The following LSAMP variants were observed in gnomAD, a reference collection of about 807,000 sequenced individuals.
LSAMP encodes the protein limbic system associated membrane protein.
In LSAMP, 7 loss-of-function variants were observed where a neutral mutation model predicts 38.6. That is an observed-to-expected ratio of 0.18 (90% CI 0.10 to 0.34). The LOEUF (loss-of-function observed/expected upper bound fraction) is 0.34. LSAMP is among the 10% of genes least tolerant of loss of function. The pLI, the probability that LSAMP is intolerant of heterozygous loss-of-function variation, is 1.00. For synonymous variants in LSAMP, 154 were observed against 166.8 expected (o/e 0.92, Z 0.59); for missense variants, 313 against 420.0 (o/e 0.75, Z 2.23).
At chr3:116,103,110 A>G (rs1708384524) in intron 1 of LSAMP, among the ~76,000 whole-genome samples, 1 of 152,160 alleles carries the variant, frequency 6.6e-6, no homozygotes, top group Non-Finnish European at 1.5e-5. Flanking sequence ...GAGGTGGATT[A>G]TCTAGTTTCT....
intron 1 of LSAMP, among the ~76,000 whole-genome samples, chr3:116,222,873 C>T (rs1454345056): frequency 2.0e-5 from 3 of 151,072 alleles, no homozygotes; most frequent in Non-Finnish European, 4.4e-5. Context: ...GTAGCTGGGA[C>T]TACAGGCGCC....
intron 1 of LSAMP, among the ~76,000 whole-genome samples, chr3:116,173,466 G>A (rs879635614): frequency 6.6e-6 from 1 of 151,828 alleles, no homozygotes; most frequent in Non-Finnish European, 1.5e-5. Flanking sequence ...TAATCCAGTG[G>A]CAAATGCCCA....
chr3:116,188,311 G>C (rs977316598), intron 1 of LSAMP, among the ~76,000 whole-genome samples: 2 of 152,154 alleles, frequency 1.3e-5, no homozygotes, highest in Non-Finnish European at 2.9e-5. Context: ...CCCAGGAACA[G>C]TTAACTTTGA....
chr3:116,069,215 C>G (rs969840886), intron 2 of LSAMP, among the ~76,000 whole-genome samples: 16 of 152,300 alleles, frequency 1.1e-4, no homozygotes, highest in African/African-American at 3.8e-4. Context: ...CCCTTCTTAG[C>G]ACGTTTCAGC....
At chr3:116,267,998 C>A (rs2046914659) in intron 1 of LSAMP, among the ~76,000 whole-genome samples, 1 of 152,098 alleles carries the variant, frequency 6.6e-6, no homozygotes. Flanking sequence ...TTCAAGATGG[C>A]AAAGTTAAAT....
chr3:116,012,765 T>A (rs1489063444), intron 3 of LSAMP, among the ~76,000 whole-genome samples: 1 of 152,190 alleles, frequency 6.6e-6, no homozygotes, highest in Non-Finnish European at 1.5e-5. Flanking sequence ...CCCAAAATGA[T>A]CACTATGCAG....
chr3:116,436,447 C>T lies in LSAMP; in HGVS notation c.155+8430G>A, dbSNP rs139166442. ...TGGGAGAAAATCTTCACAATCTATA[C>T]ATCTGACAAAGGACTGATATCTAGA... On this transcript the variant is annotated intron_variant, in intron 1 of 6. Transcript: ENST00000490035. Among the ~76,000 whole-genome samples the T allele has an allele frequency of 3.8e-3, 581 of 152,254 alleles. 7 individuals carry two copies. Among genetic ancestry groups the T allele is most frequent in the Non-Finnish European group, 5.3e-3 (363 of 68,018 alleles).
chr3:116,395,681 T>A (rs149953361), intron 1 of LSAMP, among the ~76,000 whole-genome samples: 3 of 152,176 alleles, frequency 2.0e-5, no homozygotes, highest in African/African-American at 7.2e-5. Flanking sequence ...AAAACTAAGG[T>A]GTGACTAGAA....
chr3:116,203,365 G>A (rs570000568), intron 1 of LSAMP, among the ~76,000 whole-genome samples: 4 of 147,972 alleles, frequency 2.7e-5, no homozygotes, highest in East Asian at 4.0e-4. Flanking sequence ...TTTTTTATAC[G>A]TACATTTTCT....
chr3:116,200,437 G>A (rs1576427614), intron 1 of LSAMP, among the ~76,000 whole-genome samples: 1 of 152,140 alleles, frequency 6.6e-6, no homozygotes, highest in East Asian at 1.9e-4. Flanking sequence ...TAATAACAGT[G>A]GATTTTTCAG....
intron 1 of LSAMP, among the ~76,000 whole-genome samples, chr3:116,269,776 T>C (rs1274752831): frequency 8.5e-5 from 13 of 152,160 alleles, no homozygotes; most frequent in Admixed American, 7.9e-4. Flanking sequence ...TGGTTCTTTG[T>C]TTGATCAATT....
chr3:116,366,013 TAAAAA>T (rs67452614), intron 1 of LSAMP, among the ~76,000 whole-genome samples: 7 of 28,684 alleles, frequency 2.4e-4, no homozygotes, highest in African/African-American at 7.7e-4. Flanking sequence ...TAGAGTATAA[TAAAAA>T]AAAAAAAAAA....
chr3:116,227,282 T>C (rs1311831487), intron 1 of LSAMP, among the ~76,000 whole-genome samples: 1 of 152,210 alleles, frequency 6.6e-6, no homozygotes, highest in Non-Finnish European at 1.5e-5. Context: ...TCTTTCAAAT[T>C]GTCTTATCTG....
chr3:115,861,135 TTCCTTCCTTCCTTCCTTCCTTCC>T (rs1559855415), intron 3 of LSAMP, among the ~76,000 whole-genome samples: 185 of 5,448 alleles, frequency 0.034, 2 homozygotes, highest in Admixed American at 0.11. Flanking sequence ...CTTTCTTTCC[TTCCTTCCTTCCTTCCTTCCTTCC>T]TTCCTTCCTT....
chr3:116,279,224 T>A (rs547240312), intron 1 of LSAMP, among the ~76,000 whole-genome samples: 7 of 152,268 alleles, frequency 4.6e-5, no homozygotes, highest in African/African-American at 1.7e-4. Flanking sequence ...CCTCAAACAA[T>A]ACATATCACT....
chr3:116,005,923 C>T (rs893449943), intron 3 of LSAMP, among the ~76,000 whole-genome samples: 7 of 152,014 alleles, frequency 4.6e-5, no homozygotes, highest in African/African-American at 1.7e-4. Context: ...TTGGTTATGG[C>T]TGCATATTCA....
chr3:115,921,031 A>G (rs1432254987), intron 3 of LSAMP, among the ~76,000 whole-genome samples: 1 of 151,948 alleles, frequency 6.6e-6, no homozygotes, highest in Admixed American at 6.6e-5. Context: ...GCTCTCTTTC[A>G]GTTACTATTT....
intron 1 of LSAMP, among the ~76,000 whole-genome samples, chr3:116,221,109 C>CCACTGCA (rs1362531942): frequency 1.5e-5 from 2 of 132,884 alleles, no homozygotes; most frequent in African/African-American, 5.6e-5. Context: ...GCCAAGTGTG[C>CCACTGCA]CACTGCACTC....
intron 3 of LSAMP, among the ~76,000 whole-genome samples, chr3:115,975,208 C>T (rs1334225732): frequency 1.3e-5 from 2 of 151,858 alleles, no homozygotes. Context: ...TGGCTTGAAC[C>T]CAGGATTTTG....
Sources: allele counts gnomAD v4.1 joint callset (sites outside exome capture counted in the v4.1 genomes callset), GRCh38; gene constraint gnomAD v4.1.1; transcripts MANE v1.5; gene names NCBI Gene and HGNC (gene_info 2026-07-23, HGNC 2026-07-21).